The following CTNNA3 variants were observed in gnomAD, a reference collection of about 807,000 sequenced individuals.
The protein encoded by CTNNA3 is catenin alpha 3, also known as catenin alpha-3.
A neutral mutation model predicts 95.7 loss-of-function variants in CTNNA3; 76 were observed. That is an observed-to-expected ratio of 0.79 (90% CI 0.66 to 0.96). The LOEUF (loss-of-function observed/expected upper bound fraction) is 0.96. CTNNA3 is among the 40% of genes least tolerant of loss of function. The probability of loss-of-function intolerance (pLI) is 0.00; values close to 1 mark genes in which losing one functional copy is unlikely to be tolerated. For synonymous variants in CTNNA3, 431 were observed against 374.4 expected, an observed-to-expected ratio of 1.15 and a Z score of -1.74; for missense variants, 1,191 against 1,089.8, an observed-to-expected ratio of 1.09 and a Z score of -1.31.
At chr10:67,135,686 A>C (rs995369879) in intron 7 of CTNNA3, among the ~76,000 whole-genome samples, 2 of 152,098 alleles carry the variant, frequency 1.3e-5, no homozygotes, top group Non-Finnish European at 2.9e-5. Context: ...AAAAAACAAA[A>C]ACAAAAAAAC....
chr10:67,133,274 T>C (rs1232664809), intron 7 of CTNNA3, among the ~76,000 whole-genome samples: 1 of 141,958 alleles, frequency 7.0e-6, no homozygotes, highest in African/African-American at 2.6e-5. Context: ...AAATGCATAG[T>C]GTTCTATAGC....
At chr10:66,526,219 T>C (rs909816443) in intron 10 of CTNNA3, among the ~76,000 whole-genome samples, 1 of 152,030 alleles carries the variant, frequency 6.6e-6, no homozygotes, top group African/African-American at 2.4e-5. Context: ...GGGGTCTCAC[T>C]CTGTCACCTA....
intron 5 of CTNNA3, among the ~76,000 whole-genome samples, chr10:67,331,042 T>C (rs1445278490): frequency 2.0e-5 from 3 of 152,192 alleles, no homozygotes; most frequent in African/African-American, 7.2e-5. Flanking sequence ...GGGGGAAATT[T>C]TCTGGGTATT....
At chr10:66,672,155 C>T (rs2132474898) in intron 9 of CTNNA3, among the ~76,000 whole-genome samples, 1 of 152,200 alleles carries the variant, frequency 6.6e-6, no homozygotes, top group East Asian at 1.9e-4. Flanking sequence ...TAGCTCTGTA[C>T]TCCTACTGGC....
At chr10:66,868,391 A>AC (rs1404855928) in intron 7 of CTNNA3, among the ~76,000 whole-genome samples, 6 of 151,392 alleles carry the variant, frequency 4.0e-5, no homozygotes, top group Non-Finnish European at 7.4e-5. Flanking sequence ...AATAAAAAAA[A>AC]CTGTAATTAA....
At chr10:66,533,698 T>A (rs2631216) in intron 10 of CTNNA3, among the ~76,000 whole-genome samples, 149,281 of 152,232 alleles carry the variant, frequency 0.98, 73,264 homozygotes, top group Middle Eastern at 1. Context: ...GCAAGCCTAC[T>A]AATTTATTAA....
chr10:65,969,177 AC>A (rs1000137272), intron 16 of CTNNA3, among the ~76,000 whole-genome samples: 4 of 152,134 alleles, frequency 2.6e-5, no homozygotes, highest in Non-Finnish European at 5.9e-5. Flanking sequence ...AAAAGACCTT[AC>A]CCAGCATTCT....
At chr10:66,141,870 G>A (rs555320104) in intron 13 of CTNNA3, among the ~76,000 whole-genome samples, 1 of 152,250 alleles carries the variant, frequency 6.6e-6, no homozygotes, top group South Asian at 2.1e-4. Context: ...TGAGGCAGAT[G>A]TTTCCTTATA....
intron 5 of CTNNA3, among the ~76,000 whole-genome samples, chr10:67,231,240 A>C (rs533575481): frequency 6.6e-6 from 1 of 152,362 alleles, no homozygotes; most frequent in East Asian, 1.9e-4. Flanking sequence ...ACAAACAGAA[A>C]GACAGCAGTA....
chr10:66,094,240 C>T (rs1304556516), intron 14 of CTNNA3, among the ~76,000 whole-genome samples: 1 of 151,898 alleles, frequency 6.6e-6, no homozygotes, highest in Non-Finnish European at 1.5e-5. Context: ...GTTGTAAGAC[C>T]TGAGATTTCT....
chr10:66,779,684 A>G lies in CTNNA3; in HGVS notation c.1048-4160T>C, dbSNP rs1457782614. 1.3e-5 allele frequency among the ~76,000 whole-genome samples: 2 copies of G among 152,182 alleles called. 1 individual carries two copies. The highest frequency in any genetic ancestry group is 3.9e-4 in the East Asian group (2 of 5,186). On this transcript the variant is annotated intron_variant, in intron 7 of 17. Transcript: ENST00000433211. ...CCTGGTTATGGACCTCTTTCAAGGT[A>G]TAACTCAGTTACTAAATTTTACATA...
At chr10:67,087,656 T>C (rs546442192) in intron 7 of CTNNA3, among the ~76,000 whole-genome samples, 28 of 152,122 alleles carry the variant, frequency 1.8e-4, no homozygotes, top group African/African-American at 6.5e-4. Flanking sequence ...ATCATTAGTG[T>C]GGATTTCTGC....
At chr10:66,436,053 T>C (rs1213091081) in intron 11 of CTNNA3, among the ~76,000 whole-genome samples, 3 of 152,218 alleles carry the variant, frequency 2.0e-5, no homozygotes, top group African/African-American at 7.2e-5. Flanking sequence ...TTTGTTATTA[T>C]TTCCATTTAT....
intron 16 of CTNNA3, among the ~76,000 whole-genome samples, chr10:65,972,316 A>G (rs2078121297): frequency 6.6e-6 from 1 of 152,144 alleles, no homozygotes; most frequent in African/African-American, 2.4e-5. Context: ...TATTCAACAT[A>G]GTACTGAAAG....
chr10:67,208,696 T>C (rs761433101), intron 6 of CTNNA3, among the ~76,000 whole-genome samples: 17 of 152,170 alleles, frequency 1.1e-4, no homozygotes, highest in Non-Finnish European at 2.1e-4. Flanking sequence ...AAGTCCTTAA[T>C]TGCAGTTATC....
intron 3 of CTNNA3, among the ~76,000 whole-genome samples, chr10:67,568,459 A>C (rs1841880764): frequency 7.7e-6 from 1 of 130,228 alleles, no homozygotes. Flanking sequence ...GTTCCAGTAT[A>C]TATATATGTG....
intron 9 of CTNNA3, among the ~76,000 whole-genome samples, chr10:66,733,980 A>G (rs1309338465): frequency 6.6e-6 from 1 of 151,768 alleles, no homozygotes; most frequent in Non-Finnish European, 1.5e-5. Context: ...AATTAGTTTT[A>G]ATTTTATTTA....
intron 13 of CTNNA3, among the ~76,000 whole-genome samples, chr10:66,265,956 G>T (rs572098708): frequency 1.3e-5 from 2 of 150,980 alleles, no homozygotes; most frequent in African/African-American, 4.9e-5. Context: ...TTATTGGCCC[G>T]TAGTACGTAC....
intron 7 of CTNNA3, among the ~76,000 whole-genome samples, chr10:66,790,789 A>G (rs1178563076): frequency 6.6e-6 from 1 of 152,152 alleles, no homozygotes; most frequent in Non-Finnish European, 1.5e-5. Context: ...ACCAAAGAAT[A>G]TCTTCATGTC....
Sources: allele counts gnomAD v4.1 joint callset (sites outside exome capture counted in the v4.1 genomes callset), GRCh38; gene constraint gnomAD v4.1.1; transcripts MANE v1.5; gene names NCBI Gene and HGNC (gene_info 2026-07-23, HGNC 2026-07-21).